Variants in C11orf65 observed in about 807,000 individuals in gnomAD.
C11orf65 encodes the protein chromosome 11 open reading frame 65.
A neutral mutation model predicts 35.3 loss-of-function variants in C11orf65; 38 were observed. The observed-to-expected ratio is 1.08, with a 90% CI of 0.83 to 1.41. C11orf65 has a LOEUF of 1.41. Ranked by LOEUF, C11orf65 falls within the 40% of genes most tolerant of loss-of-function variation. The pLI, the probability that C11orf65 is intolerant of heterozygous loss-of-function variation, is 0.00. For missense variants in C11orf65, 370 were observed against 367.1 expected, an observed-to-expected ratio of 1.01 and a Z score of -0.06; for synonymous variants, 105 against 114.4, an observed-to-expected ratio of 0.92 and a Z score of 0.53.
At chr11:108,449,853 T>C (rs1348955551) in intron 2 of C11orf65, among the ~76,000 whole-genome samples, 1 of 151,760 alleles carries the variant, frequency 6.6e-6, no homozygotes. Context: ...ACAGGCGACC[T>C]ACAAAATGGG....
rs189919436 is a variant in C11orf65 at position 108,409,226 on chromosome 11, A to C, written c.175-2077T>G. Among the ~76,000 whole-genome samples the C allele has an allele frequency of 1.7e-3, 255 of 152,296 alleles. 4 individuals carry two copies. Among genetic ancestry groups the C allele is most frequent in the Admixed American group, 3.7e-3 (57 of 15,300 alleles). ...AACATTCCATCATATAATAGAATATATGACAATTTATATTATTGTTGGACA... is the reference window on the plus strand; with the variant it reads ...AACATTCCATCATATAATAGAATATCTGACAATTTATATTATTGTTGGACA... On this transcript the variant is annotated intron_variant, in intron 3 of 8. Transcript: ENST00000393084.
chr11:108,336,018 TG>T (rs1239562713), intron 2 of C11orf65: 8 of 1,330,890 alleles, frequency 6.0e-6, no homozygotes, highest in Admixed American at 1.7e-5. Context: ...GCCATTTGGT[TG>T]GGTGAAGTGG....
chr11:108,321,873 G>C (rs988920875), intron 6 of C11orf65, among the ~76,000 whole-genome samples: 2 of 151,684 alleles, frequency 1.3e-5, no homozygotes, highest in African/African-American at 2.4e-5. Context: ...AGTGAATTGT[G>C]CTTTTATTAA....
chr11:108,325,447 A>C lies in C11orf65; in HGVS notation c.641-16376T>G, dbSNP rs35118109. The C allele has an allele frequency of 1.1e-5, 18 of 1,613,720 alleles. No homozygotes were observed. The highest frequency in any genetic ancestry group is 1.4e-5 in the Non-Finnish European group (17 of 1,179,904). On this transcript the variant is annotated intron_variant, in intron 6 of 6. Coordinates refer to the C11orf65 transcript ENST00000525729. ...GTCATTTTGGAGATCCTGATGGAAA[A>C]GGAAATGGACAACTCACAAAGAGAA...
intron 2 of C11orf65, among the ~76,000 whole-genome samples, chr11:108,372,174 T>TATTCATTCATTC (rs57080338): frequency 7.0e-4 from 106 of 151,406 alleles, no homozygotes; most frequent in Middle Eastern, 3.4e-3. Context: ...CACTAAATTT[T>TATTCATTCATTC]ATTCATTCAT....
At chr11:108,383,504 T>C (rs1033135777) in intron 8 of C11orf65, among the ~76,000 whole-genome samples, 4 of 152,248 alleles carry the variant, frequency 2.6e-5, no homozygotes, top group African/African-American at 9.6e-5. Flanking sequence ...TACCTCATCA[T>C]ATTCCTGCAA....
chr11:108,309,814 T>C (rs2083992227), intron 6 of C11orf65, among the ~76,000 whole-genome samples: 1 of 152,150 alleles, frequency 6.6e-6, no homozygotes, highest in Non-Finnish European at 1.5e-5. Flanking sequence ...CTTGTGTGCA[T>C]TTGTATTAGC....
At chr11:108,310,977 C>A (rs189342343) in intron 6 of C11orf65, among the ~76,000 whole-genome samples, 1 of 152,020 alleles carries the variant, frequency 6.6e-6, no homozygotes. Flanking sequence ...AATGTTTGTT[C>A]GTTTGAAATG....
At chr11:108,461,417 T>C in intron 2 of C11orf65, 62 bp downstream of exon 2, 1 of 1,311,408 alleles carries the variant, frequency 7.6e-7, no homozygotes, top group African/African-American at 1.5e-5. Flanking sequence ...AAAATTGAAC[T>C]GTACACTTTA....
rs1383763069 is a variant in C11orf65 at position 108,326,212 on chromosome 11, C to T, written c.641-17141G>A. The T allele has an allele frequency of 1.2e-6, 2 of 1,613,920 alleles. No individual in the cohort carries two copies. The highest frequency in any genetic ancestry group is 1.1e-5 in the South Asian group (1 of 91,066). On this transcript the variant is annotated intron_variant, in intron 6 of 6. Coordinates refer to the C11orf65 transcript ENST00000525729. Reference sequence around the variant, plus strand: ...AAGCAAATGATCAAGAAGTTGGATGCCAGCTGTGCAGCGGTTTGTTTTTTT... The same window carrying T: ...AAGCAAATGATCAAGAAGTTGGATGTCAGCTGTGCAGCGGTTTGTTTTTTT...
chr11:108,355,315 G>C lies in C11orf65; in HGVS notation c.227-20023C>G, dbSNP rs531237518. 3.4e-5 allele frequency: 7 copies of C among 206,702 alleles called. 1 individual carries two copies. In the South Asian group the frequency reaches 5.7e-4, roughly 17 times the overall value. The allele number at this position is 206,702 out of a possible 1,614,324, so 12.8% of individuals were successfully genotyped here. A position where few individuals can be genotyped will look rare whatever the true frequency, so the allele number is the denominator to read the frequency against. ...AGAGGAACATGGCTTAGGAATGAGG[G>C]CCAGACTAGTTTACTGCTGGTGCTA... On this transcript the variant is annotated intron_variant, in intron 2 of 3. Coordinates refer to the C11orf65 transcript ENST00000524755.
chr11:108,353,208 G>A (rs1291311661), intron 2 of C11orf65, among the ~76,000 whole-genome samples: 1 of 151,930 alleles, frequency 6.6e-6, no homozygotes, highest in East Asian at 1.9e-4. Context: ...GAGTGCAATG[G>A]CACGATCTCA....
intron 2 of C11orf65, among the ~76,000 whole-genome samples, chr11:108,439,469 C>A (rs2093116564): frequency 6.6e-6 from 1 of 152,194 alleles, no homozygotes; most frequent in Admixed American, 6.5e-5. Context: ...AGCAATTCCA[C>A]TTCTAGACAT....
rs1381779608 is a variant in C11orf65 at position 108,353,747 on chromosome 11, A to T, written c.227-18455T>A. The stretch of plus-strand genomic sequence containing the variant: ...ATTAGCTGTCAAACCTCCTAACTTC[A>T]CTGTATTCTTTACTTTAGGTGTTGC... On this transcript the variant is annotated intron_variant, in intron 2 of 3. Transcript: ENST00000524755. 5.1e-6 allele frequency: 8 copies of T among 1,567,234 alleles called. No individual in the cohort carries two copies. The South Asian group carries it at 8.9e-5, about 17-fold the overall frequency.
chr11:108,461,470 T>C lies in C11orf65; in HGVS notation c.81+9A>G. On this transcript the variant is annotated intron_variant, in intron 2 of 8. Coordinates refer to ENST00000393084, the MANE Select transcript of C11orf65 (RefSeq NM_152587.5). ...ATTATATTTCAATAAAACTTCTAAA[T>C]AAACTCACAAGGAAACTTTTCCAGG... 5 of 1,585,784 alleles carry C rather than the reference T, an allele frequency of 3.2e-6. No individual in the cohort carries two copies. The highest frequency in any genetic ancestry group is 1.7e-4 in the Middle Eastern group (1 of 6,002).
intron 7 of C11orf65, among the ~76,000 whole-genome samples, chr11:108,392,842 T>C (rs2092198275): frequency 6.6e-6 from 1 of 152,228 alleles, no homozygotes; most frequent in South Asian, 2.1e-4. Context: ...TGAAAACTTA[T>C]AACATTTTAG....
At chr11:108,448,698 G>A (rs1032777066) in intron 2 of C11orf65, among the ~76,000 whole-genome samples, 15 of 152,230 alleles carry the variant, frequency 9.9e-5, no homozygotes, top group Admixed American at 9.2e-4. Flanking sequence ...GGCAAAAACT[G>A]GAAGCATTCC....
chr11:108,349,581 T>G (rs1284118206), intron 2 of C11orf65, among the ~76,000 whole-genome samples: 1 of 152,078 alleles, frequency 6.6e-6, no homozygotes, highest in Non-Finnish European at 1.5e-5. Context: ...GAGAATCACT[T>G]GAACCCAGGA....
intron 1 of C11orf65, among the ~76,000 whole-genome samples, chr11:108,464,242 G>T (rs1035047979): frequency 2.0e-5 from 3 of 152,004 alleles, no homozygotes; most frequent in African/African-American, 7.2e-5. Context: ...AATTTTTGTA[G>T]GATAGTTTTT....
Sources: allele counts gnomAD v4.1 joint callset (sites outside exome capture counted in the v4.1 genomes callset), GRCh38; gene constraint gnomAD v4.1.1; transcripts MANE v1.5; gene names NCBI Gene and HGNC (gene_info 2026-07-23, HGNC 2026-07-21).